WDR43: variants seen among roughly 807,000 people sequenced by gnomAD.
WDR43 encodes the protein WD repeat domain 43, also known as WD repeat-containing protein 43.
Under a neutral mutation model 91.4 loss-of-function variants are expected in WDR43, and 13 were observed. That is an observed-to-expected ratio of 0.14 (90% CI 0.09 to 0.23). The LOEUF is 0.23. WDR43 is among the 10% of genes least tolerant of loss of function. The pLI, the probability that WDR43 is intolerant of heterozygous loss-of-function variation, is 1.00. For synonymous variants in WDR43, 331 were observed against 287.9 expected (o/e 1.15, Z -1.51); for missense variants, 780 against 809.4 (o/e 0.96, Z 0.44).
intron 10 of WDR43, among the ~76,000 whole-genome samples, 160 bp from the exon 11 acceptor site, chr2:28,929,419 A>G (rs532569187): frequency 6.6e-6 from 1 of 152,296 alleles, no homozygotes; most frequent in Admixed American, 6.5e-5. Flanking sequence ...CAACATTGGC[A>G]TTATGGTAAT....
intron 14 of WDR43, among the ~76,000 whole-genome samples, chr2:28,941,256 AT>A (rs1361906097): frequency 6.6e-6 from 1 of 151,826 alleles, no homozygotes; most frequent in African/African-American, 2.4e-5. Context: ...TAAGCCTATT[AT>A]TTTTTCCTCC....
chr2:28,914,358 A>C, intron 5 of WDR43, 150 bp downstream of exon 5: 1 of 1,049,028 alleles, frequency 9.5e-7, no homozygotes, highest in South Asian at 2.3e-5. Context: ...CCTGCCTACA[A>C]AACAGATCTT....
At chr2:28,932,244 A>G (rs1435804260) in intron 11 of WDR43, among the ~76,000 whole-genome samples, 2 of 151,768 alleles carry the variant, frequency 1.3e-5, no homozygotes, top group Non-Finnish European at 2.9e-5. Context: ...GCTCACTGCA[A>G]CCTCTGCCTC....
intron 4 of WDR43, chr2:28,913,706 G>A (rs778110815): frequency 7.6e-6 from 4 of 527,212 alleles, no homozygotes; most frequent in South Asian, 5.6e-5. Context: ...GACTCACTGA[G>A]AGTAAAATGA....
rs1671168447 is a variant in WDR43 at position 28,927,669 on chromosome 2, T to A, written c.1274T>A (p.Val425Glu). ...CCCGCTCCTCCACAAACCGAGCAAG[T>A]AGAGAGCAAGAGGAAGTCAGGGGGA... The part of the protein sequence containing the change: ...IKPAPPQTEQ[V>E]ESKRKSGGNE... Residue 425 changes from valine to glutamate, a missense_variant, in exon 10 of 18, where the codon GTA becomes GAA. By Grantham distance (121) the Val-to-Glu change is moderately radical (BLOSUM62 -2). Around this residue, in one of 4 missense-constraint regions of WDR43, gnomAD observed 426 missense variants for 467.8 expected, o/e 0.91. Coordinates refer to ENST00000407426, the MANE Select transcript of WDR43 (RefSeq NM_015131.3). 6.2e-7 allele frequency: 1 copy of A among 1,613,910 alleles called. No homozygotes were observed. The highest frequency in any genetic ancestry group is 2.2e-5 in the East Asian group (1 of 44,884).
intron 7 of WDR43, 56 bp downstream of exon 7, chr2:28,923,039 G>T: frequency 7.0e-7 from 1 of 1,426,458 alleles, no homozygotes; most frequent in Non-Finnish European, 9.7e-7. Flanking sequence ...CTTGTTACTT[G>T]GTCATACTCC....
intron 4 of WDR43, among the ~76,000 whole-genome samples, chr2:28,913,239 C>A (rs1375286954): frequency 2.0e-5 from 3 of 152,178 alleles, no homozygotes; most frequent in African/African-American, 7.2e-5. Context: ...CAGGCGTGAG[C>A]CACCGCGCCC....
chr2:28,915,220 A>C (rs1670883033), intron 5 of WDR43, among the ~76,000 whole-genome samples: 1 of 152,226 alleles, frequency 6.6e-6, no homozygotes, highest in Non-Finnish European at 1.5e-5. Context: ...GTTTACCTTC[A>C]AAACCACCAG....
Position 28,894,801 on chromosome 2 carries a change from G to A in WDR43, c.103G>A (p.Asp35Asn), listed in dbSNP as rs1303533676. ...GGCCTACTTCGCTTTGGCCTCTACC[G>A]ACGGTCACTTACGAGTATGGGAGAC... The part of the protein sequence containing the change: ...SQAYFALAST[D>N]GHLRVWETAN... The change falls in exon 1 of 18, where the codon GAC becomes AAC. Residue 35 changes from aspartate (D) to asparagine (N), a missense_variant. This residue lies in a region of WDR43 where 175 missense variants were observed against 113.8 expected (regional missense o/e 1.54). Coordinates refer to ENST00000407426, the MANE Select transcript of WDR43 (RefSeq NM_015131.3). 6.2e-7 allele frequency: 1 copy of A among 1,610,622 alleles called. No individual in the cohort carries two copies. Among genetic ancestry groups the A allele is most frequent in the Admixed American group, 1.7e-5 (1 of 59,630 alleles).
At chr2:28,904,802 C>T (rs1249157543) in intron 2 of WDR43, among the ~76,000 whole-genome samples, 1 of 152,292 alleles carries the variant, frequency 6.6e-6, no homozygotes, top group East Asian at 1.9e-4. Context: ...AATGTTATTT[C>T]CAAGTAGCTT....
intron 3 of WDR43, among the ~76,000 whole-genome samples, chr2:28,906,957 C>T (rs1322880755): frequency 6.6e-6 from 1 of 151,828 alleles, no homozygotes; most frequent in South Asian, 2.1e-4. Context: ...GGGGAGATGG[C>T]AAGAACAAAT....
At chr2:28,909,312 A>AT (rs1670744846) in intron 3 of WDR43, among the ~76,000 whole-genome samples, 3 of 151,672 alleles carry the variant, frequency 2.0e-5, no homozygotes, top group Admixed American at 1.3e-4. Flanking sequence ...CTAATTTTTT[A>AT]TTTTTAGTAG....
rs749561432 is a variant in WDR43 at position 28,917,971 on chromosome 2, A to G, written c.825A>G (p.Leu275=). The G allele has an allele frequency of 2.6e-5, 41 of 1,580,142 alleles. No individual in the cohort carries two copies. In the Admixed American group the frequency reaches 5.0e-4, roughly 19 times the overall value. The change falls in exon 6 of 18, where the codon TTA becomes TTG. Residue 275 remains leucine, a synonymous_variant. Coordinates refer to ENST00000407426, the MANE Select transcript of WDR43 (RefSeq NM_015131.3). ...CCGATGAACCTGTCTATATTGACTT[A>G]ACTTTGTCAGAAAACAAAGAAGAGG... The part of the protein sequence containing the change: ...TVTDEPVYID[L]TLSENKEEPV...
intron 5 of WDR43, among the ~76,000 whole-genome samples, chr2:28,916,415 A>G (rs909539979): frequency 1.3e-5 from 2 of 152,062 alleles, no homozygotes; most frequent in African/African-American, 4.8e-5. Context: ...CCTCATCAAC[A>G]CTTGGTATAG....
intron 6 of WDR43, among the ~76,000 whole-genome samples, chr2:28,919,715 T>C (rs1381860311): frequency 1.3e-5 from 2 of 152,342 alleles, no homozygotes; most frequent in Middle Eastern, 3.4e-3. Flanking sequence ...TTTAATGTTA[T>C]TATAAAGTTG....
intron 11 of WDR43, chr2:28,930,290 A>C (rs1419948588): frequency 6.0e-6 from 2 of 335,528 alleles, no homozygotes; most frequent in Non-Finnish European, 1.2e-5. Flanking sequence ...GAAGTTACTC[A>C]GTTTGATTCT....
intron 3 of WDR43, among the ~76,000 whole-genome samples, chr2:28,909,282 G>A (rs1572583793): frequency 6.6e-6 from 1 of 152,206 alleles, no homozygotes; most frequent in African/African-American, 2.4e-5. Flanking sequence ...GGGATTATGG[G>A]CACCTGCCAC....
chr2:28,924,308 A>T (rs1671088747), intron 7 of WDR43, among the ~76,000 whole-genome samples: 1 of 152,164 alleles, frequency 6.6e-6, no homozygotes, highest in Admixed American at 6.5e-5. Context: ...CGAAATGTGG[A>T]TGGTGGCAGA....
intron 13 of WDR43, 96 bp downstream of exon 13, chr2:28,937,049 T>G: frequency 8.3e-7 from 1 of 1,211,140 alleles, no homozygotes; most frequent in Non-Finnish European, 1.2e-6. Context: ...ACTCTTTCAG[T>G]GTCAAATATT....
Sources: allele counts gnomAD v4.1 joint callset (sites outside exome capture counted in the v4.1 genomes callset), GRCh38; gene constraint gnomAD v4.1.1; regional missense constraint gnomAD v4.1.1; transcripts MANE v1.5; gene names NCBI Gene and HGNC (gene_info 2026-07-23, HGNC 2026-07-21).